The following LRP1B variants were observed in gnomAD, a reference collection of about 807,000 sequenced individuals.
The protein encoded by LRP1B is LDL receptor related protein 1B, also known as low-density lipoprotein receptor-related protein 1B.
LRP1B carries 217 observed loss-of-function variants against 556.6 expected under a neutral mutation model. That is an observed-to-expected ratio of 0.39 (90% CI 0.35 to 0.44). LRP1B has a LOEUF of 0.44. LRP1B is among the 20% of genes least tolerant of loss of function. LRP1B has a pLI of 1.00. For synonymous variants in LRP1B, 2,047 were observed against 1,865.8 expected, an observed-to-expected ratio of 1.10 and a Z score of -2.50; for missense variants, 5,053 against 5,620.8, an observed-to-expected ratio of 0.90 and a Z score of 3.23.
chr2:140,361,231 C>T (rs570029599), intron 72 of LRP1B, among the ~76,000 whole-genome samples: 44 of 148,836 alleles, frequency 3.0e-4, no homozygotes, highest in Non-Finnish European at 6.0e-4. Flanking sequence ...AGCGAAACCA[C>T]CTGCTCTCCC....
At chr2:140,376,314 T>C (rs1179187282) in intron 68 of LRP1B, among the ~76,000 whole-genome samples, 2 of 152,160 alleles carry the variant, frequency 1.3e-5, no homozygotes, top group Non-Finnish European at 2.9e-5. Context: ...ATATGCACTT[T>C]GCATATCTTG....
chr2:141,949,884 T>A (rs1701059639), intron 1 of LRP1B, among the ~76,000 whole-genome samples: 1 of 152,202 alleles, frequency 6.6e-6, no homozygotes, highest in Non-Finnish European at 1.5e-5. Context: ...TTGAGAGGAT[T>A]ATTTTTCAAC....
At chr2:140,585,535 T>C (rs1454001480) in intron 43 of LRP1B, among the ~76,000 whole-genome samples, 1 of 152,146 alleles carries the variant, frequency 6.6e-6, no homozygotes, top group African/African-American at 2.4e-5. Context: ...AAATGGCTGA[T>C]CTTAGAGTTG....
rs373806775 is a variant in LRP1B at position 141,814,845 on chromosome 2, G to T, written c.83-4444C>A. Among the ~76,000 whole-genome samples the T allele has an allele frequency of 5.9e-5, 9 of 152,042 alleles. No individual in the cohort carries two copies. In the East Asian group the frequency reaches 1.7e-3, roughly 29 times the overall value. ...AGAAATAGGTGTAGATTAAATTAAA[G>T]TGAGAAGAGGGTGGGGCATGAACAG... On this transcript the variant is annotated intron_variant, in intron 1 of 90. Transcript: ENST00000389484.
Position 141,101,037 on chromosome 2 carries a change from G to A in LRP1B, c.1014-38764C>T, listed in dbSNP as rs533096476. Among the ~76,000 whole-genome samples, 4 of 152,198 alleles carry A rather than the reference G, an allele frequency of 2.6e-5. No individual in the cohort carries two copies. The East Asian group carries it at 5.8e-4, about 22-fold the overall frequency. On this transcript the variant is annotated intron_variant, in intron 7 of 90. Coordinates refer to ENST00000389484, the MANE Select transcript of LRP1B (RefSeq NM_018557.3). Reference sequence around the variant, plus strand: ...AGCCTTGGACATACCATGCAAGGCCGTGAGTGTCAAACCCCCATGAGACGA... The same window carrying A: ...AGCCTTGGACATACCATGCAAGGCCATGAGTGTCAAACCCCCATGAGACGA...
intron 54 of LRP1B, among the ~76,000 whole-genome samples, 188 bp from the exon 55 acceptor site, chr2:140,502,062 C>T (rs1689222343): frequency 6.6e-6 from 1 of 151,950 alleles, no homozygotes; most frequent in Non-Finnish European, 1.5e-5. Context: ...GCAAACTGTA[C>T]TTTCATGTTC....
At chr2:140,237,248 G>A (rs140582474) in intron 89 of LRP1B, among the ~76,000 whole-genome samples, 1,964 of 151,010 alleles carry the variant, frequency 0.013, 23 homozygotes, top group Non-Finnish European at 0.021. Context: ...TCACATGTGA[G>A]TGAGATCATG....
chr2:140,560,107 C>T (rs1372270264), intron 43 of LRP1B, among the ~76,000 whole-genome samples: 1 of 152,102 alleles, frequency 6.6e-6, no homozygotes, highest in Non-Finnish European at 1.5e-5. Flanking sequence ...TATAATCTCC[C>T]TCCCAACATT....
chr2:140,381,923 A>G (rs1312377968), intron 67 of LRP1B, among the ~76,000 whole-genome samples: 1 of 151,690 alleles, frequency 6.6e-6, no homozygotes, highest in African/African-American at 2.4e-5. Context: ...CATCATGTAG[A>G]CTGATCATTT....
chr2:141,875,690 G>A (rs1374310574), intron 1 of LRP1B, among the ~76,000 whole-genome samples: 1 of 151,862 alleles, frequency 6.6e-6, no homozygotes. Flanking sequence ...ATTCATTTAA[G>A]GTAAGTTCCC....
Position 140,363,295 on chromosome 2 carries a change from G to T in LRP1B, c.11131+1366C>A, listed in dbSNP as rs554451520. On this transcript the variant is annotated intron_variant, in intron 72 of 90. Coordinates refer to ENST00000389484, the MANE Select transcript of LRP1B (RefSeq NM_018557.3). ...AGAGAAACGCAAAAATGTTCAGACA[G>T]TCAATCTGGATTTTACAAGGTTTCC... Among the ~76,000 whole-genome samples, 265 of 151,636 alleles carry T rather than the reference G, an allele frequency of 1.7e-3. 3 individuals carry two copies. Among genetic ancestry groups the T allele is most frequent in the African/African-American group, 6.0e-3 (249 of 41,460 alleles).
intron 2 of LRP1B, among the ~76,000 whole-genome samples, chr2:141,638,917 A>G (rs1689203512): frequency 1.7e-5 from 1 of 60,524 alleles, no homozygotes; most frequent in Non-Finnish European, 3.8e-5. Flanking sequence ...GTGTGTGTAT[A>G]CATACACACA....
chr2:140,819,747 A>T (rs1024571063), intron 31 of LRP1B, among the ~76,000 whole-genome samples: 2 of 152,212 alleles, frequency 1.3e-5, no homozygotes, highest in African/African-American at 2.4e-5. Context: ...AGGATACACT[A>T]TATGTCTATT....
intron 37 of LRP1B, among the ~76,000 whole-genome samples, chr2:140,703,466 T>C (rs1686719188): frequency 6.6e-6 from 1 of 152,120 alleles, no homozygotes; most frequent in South Asian, 2.1e-4. Flanking sequence ...AATTCCTTCT[T>C]AATTCTTAAT....
At chr2:140,693,882 A>G (rs1574249071) in intron 41 of LRP1B, among the ~76,000 whole-genome samples, 1 of 151,864 alleles carries the variant, frequency 6.6e-6, no homozygotes, top group Non-Finnish European at 1.5e-5. Flanking sequence ...TAATTTTTGT[A>G]TTTTTAGTAA....
chr2:141,908,665 T>C (rs114372388), intron 1 of LRP1B, among the ~76,000 whole-genome samples: 2,189 of 152,216 alleles, frequency 0.014, 21 homozygotes, highest in Middle Eastern at 0.068. Flanking sequence ...TATATATGAA[T>C]ACTTCTAATA....
intron 75 of LRP1B, among the ~76,000 whole-genome samples, chr2:140,354,390 C>T (rs1386500865): frequency 6.6e-6 from 1 of 152,016 alleles, no homozygotes; most frequent in Non-Finnish European, 1.5e-5. Context: ...AACACATAAG[C>T]ATTTTCATGA....
intron 35 of LRP1B, among the ~76,000 whole-genome samples, chr2:140,732,709 A>T (rs1047923908): frequency 6.6e-6 from 1 of 151,494 alleles, no homozygotes; most frequent in Non-Finnish European, 1.5e-5. Context: ...AAAAAAAAAA[A>T]TTAAAGATCT....
chr2:141,370,856 T>C (rs1173158364), intron 3 of LRP1B, among the ~76,000 whole-genome samples: 4 of 152,218 alleles, frequency 2.6e-5, no homozygotes, highest in Non-Finnish European at 5.9e-5. Context: ...TTCATTCTCC[T>C]GCATACGGCA....
Sources: gnomAD v4.1 joint callset for allele counts (sites outside exome capture counted in the v4.1 genomes callset) on GRCh38, gnomAD v4.1.1 for gene constraint, MANE v1.5 for transcripts, NCBI Gene and HGNC (gene_info 2026-07-23, HGNC 2026-07-21) for gene names.